Variants in ZNF385D observed in about 807,000 individuals in gnomAD.
ZNF385D encodes zinc finger protein 659.
In ZNF385D, 15 loss-of-function variants were observed where a neutral mutation model predicts 35.8. The ratio of observed to expected loss-of-function variants is 0.42; its 90% CI spans 0.28 to 0.64. The LOEUF is 0.64. Among genes scored for constraint, ZNF385D ranks in the 30% least tolerant of loss-of-function variants. The pLI, the probability that ZNF385D is intolerant of heterozygous loss-of-function variation, is 0.23. For missense variants in ZNF385D, 474 were observed against 494.6 expected (o/e 0.96, Z 0.39); for synonymous variants, 212 against 186.8 (o/e 1.13, Z -1.10).
intron 3 of ZNF385D, among the ~76,000 whole-genome samples, chr3:22,108,916 G>A (rs1301723365): frequency 6.6e-6 from 1 of 152,120 alleles, no homozygotes; most frequent in Non-Finnish European, 1.5e-5. Context: ...GAAGGCTGAG[G>A]CAGGAGAATC....
At chr3:21,898,326 C>T (rs747437714) in intron 3 of ZNF385D, among the ~76,000 whole-genome samples, 1 of 152,156 alleles carries the variant, frequency 6.6e-6, no homozygotes, top group Admixed American at 6.6e-5. Flanking sequence ...TATACTAACA[C>T]AGCTCATTGT....
intron 3 of ZNF385D, among the ~76,000 whole-genome samples, chr3:21,783,544 A>G (rs760989256): frequency 6.6e-6 from 1 of 152,076 alleles, no homozygotes; most frequent in Non-Finnish European, 1.5e-5. Flanking sequence ...AATCACCCTC[A>G]AACACCTGGG....
At chr3:21,816,588 C>T (rs151307814) in intron 3 of ZNF385D, among the ~76,000 whole-genome samples, 11,515 of 152,150 alleles carry the variant, frequency 0.076, 591 homozygotes, top group South Asian at 0.11. Context: ...TTCACAATTG[C>T]TTCAAGGAGA....
chr3:22,209,763 ATT>A (rs10706996), intron 2 of ZNF385D, among the ~76,000 whole-genome samples: 26,027 of 142,718 alleles, frequency 0.18, 2,418 homozygotes, highest in African/African-American at 0.21. Context: ...AAGAACAATC[ATT>A]TTTTTTTTCA....
rs79817483 is a variant in ZNF385D, at chr3:21,739,401, G to A, written c.22+11494C>T. ...CTGTGTGTGTTGTTTTAAGGATATC[G>A]ATTGTTAACACAATGACGGGTCAGG... On this transcript the variant is annotated intron_variant, in intron 1 of 7. Transcript: ENST00000281523. Among the ~76,000 whole-genome samples, 523 of 152,238 alleles carry A rather than the reference G, an allele frequency of 3.4e-3. 3 individuals are homozygous for A. The highest frequency in any genetic ancestry group is 0.012 in the African/African-American group (512 of 41,532).
rs1468490095 is a variant in ZNF385D, at chr3:21,416,433, C to T, written c.*4781G>A. The T allele has an allele frequency of 1.3e-5, 2 of 152,096 alleles. No individual in the cohort carries two copies. Among genetic ancestry groups the T allele is most frequent in the Admixed American group, 6.6e-5 (1 of 15,264 alleles). The allele number at this position is 152,096 out of a possible 1,614,324, so 9.4% of individuals were successfully genotyped here. A position where few individuals can be genotyped will look rare whatever the true frequency, so the allele number is the denominator to read the frequency against. On this transcript the variant is annotated 3_prime_UTR_variant, in exon 8 of 8. Transcript: ENST00000281523. Reference sequence around the variant, plus strand: ...TAAGTCCATTCCTGGCAGTAACAACCTTTAGGCCAAATGAGCATGACATGT... The same window carrying T: ...TAAGTCCATTCCTGGCAGTAACAACTTTTAGGCCAAATGAGCATGACATGT...
At chr3:21,927,652 A>C (rs970142580) in intron 3 of ZNF385D, among the ~76,000 whole-genome samples, 12 of 152,350 alleles carry the variant, frequency 7.9e-5, no homozygotes, top group South Asian at 2.1e-4. Flanking sequence ...AAGGTTTGCT[A>C]TGCACAATGT....
intron 3 of ZNF385D, among the ~76,000 whole-genome samples, chr3:21,770,181 G>A (rs1487911080): frequency 6.6e-6 from 1 of 152,084 alleles, no homozygotes; most frequent in African/African-American, 2.4e-5. Context: ...GCATGCGCAA[G>A]GACTTCATGT....
rs1696730940 is a variant in ZNF385D, at chr3:22,367,934, C to CA, written c.106+4515dup. 8.5e-5 allele frequency among the ~76,000 whole-genome samples: 13 copies of CA among 152,242 alleles called. No individual in the cohort carries two copies. The South Asian group carries it at 2.7e-3, about 32-fold the overall frequency. On this transcript the variant is annotated intron_variant, in intron 2 of 5. Coordinates refer to the ZNF385D transcript ENST00000494108. ...ATAACGCATTTTATTCTCATGGGGA[C>CA]AAATAGGTCTAATGACGAATCAAGG...
intron 2 of ZNF385D, among the ~76,000 whole-genome samples, chr3:22,310,834 T>C (rs1416170962): frequency 1.3e-5 from 2 of 151,878 alleles, no homozygotes; most frequent in Non-Finnish European, 2.9e-5. Context: ...TTTTATCCAC[T>C]CATTTTTAAT....
chr3:21,493,131 C>T (rs1474826489), intron 4 of ZNF385D, among the ~76,000 whole-genome samples: 5 of 152,014 alleles, frequency 3.3e-5, no homozygotes. Context: ...GTGAGTACTT[C>T]CTCCTGACTA....
At chr3:22,100,159 C>A (rs917525624) in intron 3 of ZNF385D, among the ~76,000 whole-genome samples, 2 of 144,192 alleles carry the variant, frequency 1.4e-5, no homozygotes, top group Non-Finnish European at 3.0e-5. Flanking sequence ...GTTAGAATGG[C>A]AATCATTAAA....
chr3:22,042,498 C>T (rs997591772), intron 3 of ZNF385D, among the ~76,000 whole-genome samples: 1 of 152,166 alleles, frequency 6.6e-6, no homozygotes, highest in East Asian at 1.9e-4. Flanking sequence ...AGGTATCGTT[C>T]TGCAGTAGAA....
intron 2 of ZNF385D, among the ~76,000 whole-genome samples, chr3:22,368,378 A>G (rs916129873): frequency 6.6e-6 from 1 of 152,194 alleles, no homozygotes; most frequent in African/African-American, 2.4e-5. Context: ...GGCCTTGTAA[A>G]ATAATTTGAT....
At chr3:21,898,192 G>A (rs1052644405) in intron 3 of ZNF385D, among the ~76,000 whole-genome samples, 10 of 152,094 alleles carry the variant, frequency 6.6e-5, no homozygotes, top group Admixed American at 5.9e-4. Flanking sequence ...ACAATAAGGA[G>A]ATAAAATTAC....
chr3:21,478,991 T>A (rs1704421618), intron 4 of ZNF385D, among the ~76,000 whole-genome samples: 1 of 151,834 alleles, frequency 6.6e-6, no homozygotes, highest in Non-Finnish European at 1.5e-5. Flanking sequence ...AAAATAGTAA[T>A]CATAAAGAAA....
intron 2 of ZNF385D, among the ~76,000 whole-genome samples, chr3:21,596,262 A>C (rs192827657): frequency 6.6e-6 from 1 of 152,298 alleles, no homozygotes; most frequent in African/African-American, 2.4e-5. Flanking sequence ...CACTTCAGTA[A>C]TATTATAACA....
At chr3:21,436,607 C>T (rs1165094742) in intron 5 of ZNF385D, among the ~76,000 whole-genome samples, 2 of 151,858 alleles carry the variant, frequency 1.3e-5, no homozygotes, top group African/African-American at 4.8e-5. Flanking sequence ...ACACATTTTG[C>T]GACAATATTA....
intron 3 of ZNF385D, among the ~76,000 whole-genome samples, chr3:22,119,433 T>G (rs900442130): frequency 1.3e-5 from 2 of 152,250 alleles, no homozygotes; most frequent in African/African-American, 4.8e-5. Context: ...CATAATTTGT[T>G]GGGGGGAATA....
Sources: allele counts gnomAD v4.1 joint callset (sites outside exome capture counted in the v4.1 genomes callset), GRCh38; gene constraint gnomAD v4.1.1; transcripts MANE v1.5; gene names NCBI Gene and HGNC (gene_info 2026-07-23, HGNC 2026-07-21).